The following MICOS10 variants were observed in gnomAD, a reference collection of about 807,000 sequenced individuals.
The protein encoded by MICOS10 is MICOS complex subunit MIC10.
MICOS10 carries 5 observed loss-of-function variants against 13.4 expected under a neutral mutation model. That is an observed-to-expected ratio of 0.37 (90% CI 0.20 to 0.78). The LOEUF (loss-of-function observed/expected upper bound fraction) is 0.78, where lower values mean the gene tolerates loss of function less well. Ranked by LOEUF, MICOS10 falls within the 30% of genes least tolerant of loss-of-function variation. MICOS10 has a pLI of 0.47. For missense variants in MICOS10, 101 were observed against 94.6 expected, an observed-to-expected ratio of 1.07 and a Z score of -0.28; for synonymous variants, 35 against 33.6, an observed-to-expected ratio of 1.04 and a Z score of -0.15.
chr1:19,608,046 A>G (rs2094841998), intron 1 of MICOS10: 2 of 748,990 alleles, frequency 2.7e-6, no homozygotes, highest in East Asian at 2.5e-5. Flanking sequence ...GTAGACCTAA[A>G]TATAAAAGCT....
At chr1:19,614,904 A>G (rs1025373698) in intron 1 of MICOS10, among the ~76,000 whole-genome samples, 1 of 152,080 alleles carries the variant, frequency 6.6e-6, no homozygotes, top group Non-Finnish European at 1.5e-5. Flanking sequence ...GCCACTCCTC[A>G]GTTCCCTGCA....
At chr1:19,624,197 G>A (rs2094914531) in intron 3 of MICOS10, among the ~76,000 whole-genome samples, 2 of 151,794 alleles carry the variant, frequency 1.3e-5, no homozygotes, top group Admixed American at 1.3e-4. Context: ...CCAGGCCGTG[G>A]TTCTGCTTTT....
chr1:19,607,727 A>G (rs1462810574), intron 1 of MICOS10, among the ~76,000 whole-genome samples: 1 of 152,218 alleles, frequency 6.6e-6, no homozygotes, highest in East Asian at 1.9e-4. Context: ...TGAGAAGTTG[A>G]TTTTTAAACT....
rs2094882639 is a variant in MICOS10, at chr1:19,615,931, T to C, written c.65-6169T>C. On this transcript the variant is annotated intron_variant, in intron 1 of 3. Transcript: ENST00000322753. ...ATTGAATTTTTTTTTTTAATTTTTA[T>C]TTTTTAGACGGAGTCTTGCTCTGTC... 2.7e-5 allele frequency among the ~76,000 whole-genome samples: 4 copies of C among 149,022 alleles called. No homozygotes were observed. In the South Asian group the frequency reaches 8.6e-4, roughly 32 times the overall value.
rs559127894 is a variant in MICOS10 at position 19,628,009 on chromosome 1, G to A, written c.*1608G>A. 1 of 152,266 alleles carries A rather than the reference G, an allele frequency of 6.6e-6. No individual in the cohort carries two copies. The highest frequency in any genetic ancestry group is 6.5e-5 in the Admixed American group (1 of 15,288). The allele number at this position is 152,266 out of a possible 1,614,324, so 9.4% of individuals were successfully genotyped here. Reference sequence around the variant, plus strand: ...TTGGTCCTCTTCATTCTATGATTAAGGCAACCCATATAATTGAAAGAAAAA... The same window carrying A: ...TTGGTCCTCTTCATTCTATGATTAAAGCAACCCATATAATTGAAAGAAAAA... On this transcript the variant is annotated 3_prime_UTR_variant, in exon 4 of 4. Coordinates refer to ENST00000322753, the MANE Select transcript of MICOS10 (RefSeq NM_001032363.4).
chr1:19,612,025 T>G (rs1445337358), intron 1 of MICOS10, among the ~76,000 whole-genome samples: 1 of 151,236 alleles, frequency 6.6e-6, no homozygotes, highest in African/African-American at 2.4e-5. Flanking sequence ...AGCTAAATTC[T>G]TAGGTTTTTT....
intron 1 of MICOS10, 65 bp from the exon 2 acceptor site, chr1:19,622,035 T>C: frequency 8.3e-7 from 1 of 1,198,520 alleles, no homozygotes; most frequent in Non-Finnish European, 1.2e-6. Context: ...ATTTAAGAAA[T>C]GTTAATGTTA....
intron 1 of MICOS10, chr1:19,608,491 C>T (rs769362807): frequency 1.1e-5 from 13 of 1,211,422 alleles, no homozygotes; most frequent in Admixed American, 3.4e-5. Flanking sequence ...GTATGAAGAT[C>T]GGGAGGATTG....
At chr1:19,625,466 G>T in intron 3 of MICOS10, 1 of 1,289,430 alleles carries the variant, frequency 7.8e-7, no homozygotes, top group South Asian at 1.2e-5. Context: ...AGCCATCTCT[G>T]CACCAAAGCA....
chr1:19,613,833 G>A (rs1487838266), intron 1 of MICOS10, among the ~76,000 whole-genome samples: 2 of 152,194 alleles, frequency 1.3e-5, no homozygotes, highest in East Asian at 3.9e-4. Flanking sequence ...TGGGGATGAA[G>A]CACCACGCCT....
intron 1 of MICOS10, chr1:19,601,094 T>A: frequency 9.5e-7 from 1 of 1,050,440 alleles, no homozygotes; most frequent in South Asian, 1.3e-5. Context: ...TTAGCATAGG[T>A]GTTGTATAGC....
Position 19,628,202 on chromosome 1 carries a change from C to T in MICOS10, c.*1801C>T, listed in dbSNP as rs1399752099. On this transcript the variant is annotated 3_prime_UTR_variant, in exon 4 of 4. Transcript: ENST00000322753. ...CAAGCGCTTCTCCTGCCTCAGCCTC[C>T]CGAGTAGCTGGGATTACAGGCATGC... 6.6e-6 allele frequency: 1 copy of T among 152,320 alleles called. No individual in the cohort carries two copies. Among genetic ancestry groups the T allele is most frequent in the African/African-American group, 2.4e-5 (1 of 41,436 alleles). 9.4% of individuals were successfully genotyped at this position (152,320 alleles called of 1,614,324 possible).
chr1:19,625,543 G>T, intron 3 of MICOS10: 1 of 1,289,396 alleles, frequency 7.8e-7, no homozygotes, highest in South Asian at 1.2e-5. Context: ...GCCGGCAGCC[G>T]GCCTTTTCCA....
At chr1:19,608,994 C>G (rs74462546) in intron 1 of MICOS10, among the ~76,000 whole-genome samples, 1 of 60,598 alleles carries the variant, frequency 1.7e-5, no homozygotes, top group African/African-American at 7.6e-5. Context: ...CTTTTCCCAG[C>G]TTTTTTTTTT....
At chr1:19,597,316 G>T (rs1233312829) in intron 1 of MICOS10, among the ~76,000 whole-genome samples, 1 of 152,210 alleles carries the variant, frequency 6.6e-6, no homozygotes, top group Non-Finnish European at 1.5e-5. Context: ...GCAGCAGCCC[G>T]GGTGCGGGGT....
chr1:19,621,997 GA>G (rs1010122024), intron 1 of MICOS10, 102 bp from the exon 2 acceptor site: 46 of 864,720 alleles, frequency 5.3e-5, no homozygotes, highest in African/African-American at 2.3e-4. Context: ...ACCAAATTAT[GA>G]AAAAAAATCT....
chr1:19,623,210 C>T (rs749404445), intron 2 of MICOS10, among the ~76,000 whole-genome samples: 8 of 152,088 alleles, frequency 5.3e-5, no homozygotes, highest in Admixed American at 6.6e-5. Context: ...TGTGAGCCAC[C>T]GCGCCTGGCC....
chr1:19,603,095 C>T (rs190576214), intron 1 of MICOS10, among the ~76,000 whole-genome samples: 18 of 152,078 alleles, frequency 1.2e-4, no homozygotes, highest in Admixed American at 1.1e-3. Flanking sequence ...TTTGGGAGGC[C>T]GAGTTAGGCA....
intron 1 of MICOS10, among the ~76,000 whole-genome samples, chr1:19,604,660 A>G (rs2094828195): frequency 6.6e-6 from 1 of 152,204 alleles, no homozygotes; most frequent in Non-Finnish European, 1.5e-5. Flanking sequence ...ATCAATATTC[A>G]TGTTTATATA....
Sources: allele counts gnomAD v4.1 joint callset (sites outside exome capture counted in the v4.1 genomes callset), GRCh38; gene constraint gnomAD v4.1.1; transcripts MANE v1.5; gene names NCBI Gene and HGNC (gene_info 2026-07-23, HGNC 2026-07-21).